TBRG1: variants seen among roughly 807,000 people sequenced by gnomAD.
TBRG1 encodes the protein nuclear interactor of ARF and MDM2.
In TBRG1, 31 loss-of-function variants were observed where a neutral mutation model predicts 44.0. The observed-to-expected ratio is 0.70, with a 90% CI of 0.53 to 0.95. TBRG1 has a LOEUF of 0.95. TBRG1 is among the 40% of genes least tolerant of loss of function. The probability of loss-of-function intolerance (pLI) is 0.00; values close to 1 mark genes in which losing one functional copy is unlikely to be tolerated. For synonymous variants in TBRG1, 171 were observed against 188.1 expected (o/e 0.91, Z 0.74); for missense variants, 487 against 496.1 (o/e 0.98, Z 0.18).
At position 124,624,926 on chromosome 11, in the gene TBRG1, T is replaced by C. The variant is rs1409014694; in HGVS notation, c.151-5T>C. ...ATGTTATTATATTCACATTTTTACT[T>C]AAAGGAAAATGCTGCTATTTGTGAT... On this transcript the variant is annotated splice_region_variant and splice_polypyrimidine_tract_variant and intron_variant, in intron 1 of 8. Transcript: ENST00000441174. 2.6e-6 allele frequency: 4 copies of C among 1,524,722 alleles called. No homozygotes were observed. The South Asian group carries it at 4.9e-5, about 19-fold the overall frequency. The allele number at this position is 1,524,722 out of a possible 1,614,324, so 94.4% of individuals were successfully genotyped here.
intron 1 of TBRG1, among the ~76,000 whole-genome samples, chr11:124,624,123 G>T (rs2134321104): frequency 6.6e-6 from 1 of 152,312 alleles, no homozygotes; most frequent in African/African-American, 2.4e-5. Flanking sequence ...AAAACTAAGA[G>T]AACTTAGCAT....
Position 124,635,822 on chromosome 11 carries a change from CAACTTCTTATAGGT to C in TBRG1, c.*3588_*3601del, listed in dbSNP as rs1942720497. On this transcript the variant is annotated 3_prime_UTR_variant, in exon 9 of 9. Coordinates refer to ENST00000441174, the MANE Select transcript of TBRG1 (RefSeq NM_032811.3). ...TAGTGATTATGCTTTTATTTATTTC[CAACTTCTTATAGGT>C]AACATAATTTTCAGACAATGTTAGC... 6.6e-6 allele frequency: 1 copy of C among 152,062 alleles called. No homozygotes were observed. Among genetic ancestry groups the C allele is most frequent in the African/African-American group, 2.4e-5 (1 of 41,412 alleles). 9.4% of individuals were successfully genotyped at this position (152,062 alleles called of 1,614,324 possible).
chr11:124,626,953 T>C lies in TBRG1; in HGVS notation c.641T>C (p.Val214Ala), dbSNP rs143495251. 5.9e-5 allele frequency: 95 copies of C among 1,603,200 alleles called. No homozygotes were observed. Among genetic ancestry groups the C allele is most frequent in the Non-Finnish European group, 6.9e-5 (81 of 1,174,258 alleles). ...GFHDESAIYPVGYCSTRIYAS... is the reference protein window; with the variant it reads ...GFHDESAIYPAGYCSTRIYAS... ...CATGATGAGAGTGCCATCTACCCCG[T>C]GGGCTATTGCAGTACTCGAATATAT... Residue 214 changes from valine (V) to alanine (A), a missense_variant, in exon 5 of 9, where the codon GTG becomes GCG. By Grantham distance (64) the Val-to-Ala change is moderately conservative (BLOSUM62 0). Transcript: ENST00000441174.
intron 2 of TBRG1, 122 bp from the exon 3 acceptor site, chr11:124,625,549 C>T (rs1271200629): frequency 4.6e-6 from 4 of 878,394 alleles, no homozygotes; most frequent in Non-Finnish European, 6.9e-6. Flanking sequence ...TAATAAGAAC[C>T]TTTCTTTTAT....
In TBRG1 at chr11:124,625,791, T is replaced by G. The variant is rs1942454942; in HGVS notation, c.342T>G (p.Thr114=). 1.9e-6 allele frequency: 3 copies of G among 1,580,566 alleles called. No individual in the cohort carries two copies. In the African/African-American group the frequency reaches 4.0e-5, roughly 21 times the overall value. The change falls in exon 3 of 9, where the codon ACT becomes ACG. Residue 114 remains threonine, a synonymous_variant. Coordinates refer to ENST00000441174, the MANE Select transcript of TBRG1 (RefSeq NM_032811.3). ...ATGGTGTGGCCAGCTCTGTGGGAAC[T>G]ATACAGGGAGCTGGGCCTATTTCAG... ...LTYGVASSVG[T]IQGAGPISGP...
In TBRG1 at chr11:124,632,491, C is replaced by T. The variant is rs184829014; in HGVS notation, c.*253C>T. The stretch of plus-strand genomic sequence containing the variant: ...ATGTAATCTTTTTTGCTTAGCTCTG[C>T]CTGAGGTAAAGTAAACTTCAGCCTC... On this transcript the variant is annotated 3_prime_UTR_variant, in exon 9 of 9. Transcript: ENST00000441174. The T allele has an allele frequency of 9.1e-6, 3 of 328,504 alleles. No homozygotes were observed. Among genetic ancestry groups the T allele is most frequent in the Non-Finnish European group, 1.7e-5 (3 of 176,964 alleles). 20.3% of individuals were successfully genotyped at this position (328,504 alleles called of 1,614,324 possible).
chr11:124,630,681 G>A (rs1942589378), intron 6 of TBRG1, 64 bp from the exon 7 acceptor site: 1 of 1,248,576 alleles, frequency 8.0e-7, no homozygotes. Context: ...CCACTATTCT[G>A]TTCTTAAATC....
Position 124,623,123 on chromosome 11 carries a change from C to T in TBRG1, c.40C>T (p.Pro14Ser), listed in dbSNP as rs777675967. 3.0e-5 allele frequency: 46 copies of T among 1,551,328 alleles called. No individual in the cohort carries two copies. In the African/African-American group the frequency reaches 5.1e-4, roughly 17 times the overall value. The change falls in exon 1 of 9, where the codon CCG (proline) becomes TCG (serine). Residue 14 changes from proline to serine, a missense_variant. Coordinates refer to ENST00000441174, the MANE Select transcript of TBRG1 (RefSeq NM_032811.3). ...CGGCCTCGCTTCCTCGCCGCGGGCT[C>T]CGCTGCAGTCCAGCAAGGCCAGGAT... ...LDGLASSPRA[P>S]LQSSKARMKK...
intron 8 of TBRG1, 176 bp downstream of exon 8, chr11:124,631,593 G>A (rs1367870976): frequency 4.4e-6 from 3 of 683,430 alleles, no homozygotes; most frequent in African/African-American, 3.6e-5. Flanking sequence ...TAGCTTCCTA[G>A]ATTACTCACA....
chr11:124,622,994 C>A lies in TBRG1; in HGVS notation c.-90C>A. On this transcript the variant is annotated 5_prime_UTR_variant, in exon 1 of 9. Coordinates refer to ENST00000441174, the MANE Select transcript of TBRG1 (RefSeq NM_032811.3). ...TCCTAGAGGCCCGATTCCGCTAGCC[C>A]GGAACAGACAAAGCCAGCGCTCCCG... 1.5e-6 allele frequency: 2 copies of A among 1,372,896 alleles called. No homozygotes were observed. The highest frequency in any genetic ancestry group is 1.9e-6 in the Non-Finnish European group (2 of 1,035,678). 85.0% of individuals were successfully genotyped at this position (1,372,896 alleles called of 1,614,324 possible). A position where few individuals can be genotyped will look rare whatever the true frequency, so the allele number is the denominator to read the frequency against.
intron 3 of TBRG1, 137 bp from the exon 4 acceptor site, chr11:124,626,336 G>T: frequency 1.2e-6 from 1 of 816,268 alleles, no homozygotes; most frequent in Non-Finnish European, 1.9e-6. Flanking sequence ...GGCTTTGGGC[G>T]AAAGCCCCAT....
At chr11:124,625,639 C>G in intron 2 of TBRG1, 32 bp from the exon 3 acceptor site, 1 of 1,537,594 alleles carries the variant, frequency 6.5e-7, no homozygotes, top group Non-Finnish European at 8.8e-7. Flanking sequence ...TACGGAAGTT[C>G]ATTTCTCTGC....
intron 1 of TBRG1, chr11:124,623,501 T>C: frequency 1.9e-6 from 1 of 521,684 alleles, no homozygotes; most frequent in Non-Finnish European, 3.6e-6. Context: ...TACCAATAAA[T>C]TTTAGTCATC....
chr11:124,628,212 A>G (rs1942527485), intron 5 of TBRG1, among the ~76,000 whole-genome samples: 1 of 148,728 alleles, frequency 6.7e-6, no homozygotes, highest in Admixed American at 6.7e-5. Context: ...CTTTTTGTCT[A>G]TACATGTCAA....
In TBRG1 at chr11:124,626,621, C is replaced by G; in HGVS notation, c.591+12C>G. On this transcript the variant is annotated intron_variant, in intron 4 of 8. Coordinates refer to ENST00000441174, the MANE Select transcript of TBRG1 (RefSeq NM_032811.3). ...ATAGCCTGGGGGAGGTGAGTGAGAC[C>G]AGCGATATATAGAGAGGAGAATCAG... The G allele has an allele frequency of 6.4e-7, 1 of 1,551,458 alleles. No homozygotes were observed. Among genetic ancestry groups the G allele is most frequent in the Non-Finnish European group, 8.7e-7 (1 of 1,146,872 alleles).
intron 5 of TBRG1, among the ~76,000 whole-genome samples, chr11:124,628,535 A>C (rs1942536609): frequency 6.7e-6 from 1 of 149,908 alleles, no homozygotes; most frequent in East Asian, 1.9e-4. Flanking sequence ...AAAAAAAAAA[A>C]AAAAAACCCA....
At position 124,626,507 on chromosome 11, in the gene TBRG1, G is replaced by A. The variant is rs777318566; in HGVS notation, c.489G>A (p.Ala163=). ...LKKTCKKKKM[A]GGARKLVQPI... ...AAACATGCAAGAAAAAGAAAATGGC[G>A]GGAGGTGCTCGCAAGCTGGTTCAGC... Residue 163 remains alanine (A), a synonymous_variant, in exon 4 of 9, where the codon GCG becomes GCA. Coordinates refer to ENST00000441174, the MANE Select transcript of TBRG1 (RefSeq NM_032811.3). 34 of 1,549,328 alleles carry A rather than the reference G, an allele frequency of 2.2e-5. No homozygotes were observed. Among genetic ancestry groups the A allele is most frequent in the East Asian group, 2.0e-4 (8 of 40,870 alleles).
chr11:124,623,075 G>C lies in TBRG1; in HGVS notation c.-9G>C. On this transcript the variant is annotated 5_prime_UTR_variant, in exon 1 of 9. Transcript: ENST00000441174. ...CAGCGTCCTGGGGCCCCCGTAGCGG[G>C]GCTGGACCATGAGCCTGCTGGACGG... The C allele has an allele frequency of 6.5e-7, 1 of 1,545,070 alleles. No homozygotes were observed. Among genetic ancestry groups the C allele is most frequent in the Non-Finnish European group, 8.7e-7 (1 of 1,144,204 alleles).
In TBRG1 at chr11:124,625,655, T is replaced by G. The variant is rs1942451297; in HGVS notation, c.222-16T>G. The G allele has an allele frequency of 4.5e-6, 7 of 1,547,906 alleles. No homozygotes were observed. Among genetic ancestry groups the G allele is most frequent in the Non-Finnish European group, 6.1e-6 (7 of 1,145,836 alleles). ...ACGGAAGTTCATTTCTCTGCTCCTT[T>G]CCTTCCTGATCTCAGGTACTTGCTA... On this transcript the variant is annotated splice_polypyrimidine_tract_variant and intron_variant, in intron 2 of 8. Coordinates refer to ENST00000441174, the MANE Select transcript of TBRG1 (RefSeq NM_032811.3).
Sources: allele counts gnomAD v4.1 joint callset (sites outside exome capture counted in the v4.1 genomes callset), GRCh38; gene constraint gnomAD v4.1.1; transcripts MANE v1.5; gene names NCBI Gene and HGNC (gene_info 2026-07-23, HGNC 2026-07-21).